The following PTN variants were observed in gnomAD, a reference collection of about 807,000 sequenced individuals.
PTN encodes the protein heparin affin regulatory protein.
In PTN, 18 loss-of-function variants were observed where a neutral mutation model predicts 24.1. That is an observed-to-expected ratio of 0.75 (90% CI 0.52 to 1.11). PTN has a LOEUF of 1.11. Among genes scored for constraint, PTN ranks in the 50% least tolerant of loss-of-function variants. PTN has a pLI of 0.00. For synonymous variants in PTN, 78 were observed against 68.6 expected (o/e 1.14, Z -0.67); for missense variants, 163 against 198.8 (o/e 0.82, Z 1.08).
chr7:137,326,452 C>T (rs1235188405), intron 1 of PTN: 1 of 152,194 alleles, frequency 6.6e-6, no homozygotes, highest in Non-Finnish European at 1.5e-5. Context: ...TACCTCACGG[C>T]ATGTCCAGAA....
chr7:137,316,156 T>A (rs542538227), intron 1 of PTN, among the ~76,000 whole-genome samples: 1 of 152,332 alleles, frequency 6.6e-6, no homozygotes, highest in East Asian at 1.9e-4. Flanking sequence ...AAGGCCGTTG[T>A]TGCTCTCAAG....
intron 1 of PTN, among the ~76,000 whole-genome samples, chr7:137,257,957 T>G (rs1444106862): frequency 6.6e-6 from 1 of 152,138 alleles, no homozygotes; most frequent in East Asian, 1.9e-4. Context: ...GACTCTACCT[T>G]CTGTAAATAA....
At chr7:137,323,878 C>T (rs762085477) in intron 1 of PTN, among the ~76,000 whole-genome samples, 1 of 152,064 alleles carries the variant, frequency 6.6e-6, no homozygotes, top group Non-Finnish European at 1.5e-5. Flanking sequence ...AACTTAAACA[C>T]AATCAGAAGA....
chr7:137,250,388 G>T (rs1173824411), intron 4 of PTN, among the ~76,000 whole-genome samples: 1 of 152,072 alleles, frequency 6.6e-6, no homozygotes, highest in Admixed American at 6.6e-5. Flanking sequence ...GTATTTCTGT[G>T]TCCTAATCTC....
chr7:137,277,406 T>A (rs940798239), intron 1 of PTN, among the ~76,000 whole-genome samples: 1 of 152,184 alleles, frequency 6.6e-6, no homozygotes, highest in East Asian at 1.9e-4. Context: ...ACCCAGCCAC[T>A]TTTCCCAAGA....
intron 1 of PTN, among the ~76,000 whole-genome samples, chr7:137,320,643 A>T (rs369803669): frequency 1.2e-4 from 18 of 152,042 alleles, no homozygotes; most frequent in East Asian, 3.9e-4. Context: ...ATTTTTTTTT[A>T]AAAAAGGATT....
At chr7:137,249,554 T>C (rs957142526) in intron 4 of PTN, among the ~76,000 whole-genome samples, 1 of 152,168 alleles carries the variant, frequency 6.6e-6, no homozygotes, top group Non-Finnish European at 1.5e-5. Context: ...TTAATTTCTT[T>C]TCCTTTCAAT....
intron 4 of PTN, among the ~76,000 whole-genome samples, chr7:137,239,207 T>G (rs1052117513): frequency 6.6e-6 from 1 of 152,136 alleles, no homozygotes; most frequent in Admixed American, 6.5e-5. Context: ...AGTGAGCTCA[T>G]TGTGCCTTCA....
At chr7:137,275,956 T>C (rs1240980547) in intron 1 of PTN, among the ~76,000 whole-genome samples, 1 of 152,218 alleles carries the variant, frequency 6.6e-6, no homozygotes, top group Non-Finnish European at 1.5e-5. Flanking sequence ...AGTGACTCAA[T>C]TAAAAACATA....
At chr7:137,331,121 G>C (rs1168729763) in intron 1 of PTN, among the ~76,000 whole-genome samples, 1 of 152,060 alleles carries the variant, frequency 6.6e-6, no homozygotes, top group African/African-American at 2.4e-5. Context: ...TGACATAAAG[G>C]GCTTCCATTT....
At chr7:137,230,908 T>C (rs1224492728) in intron 4 of PTN, among the ~76,000 whole-genome samples, 2 of 151,940 alleles carry the variant, frequency 1.3e-5, no homozygotes, top group Non-Finnish European at 2.9e-5. Context: ...TCTCTTTGTC[T>C]GTTTTTCTCT....
chr7:137,241,412 C>G (rs908091069), intron 4 of PTN, among the ~76,000 whole-genome samples: 1 of 152,112 alleles, frequency 6.6e-6, no homozygotes, highest in Non-Finnish European at 1.5e-5. Context: ...CTAAGCTCTC[C>G]GTAAATATAA....
chr7:137,309,786 T>C (rs1229312535), intron 1 of PTN, among the ~76,000 whole-genome samples: 2 of 152,198 alleles, frequency 1.3e-5, no homozygotes, highest in Non-Finnish European at 2.9e-5. Flanking sequence ...TCTAGTTCTC[T>C]TGTTATTTCC....
chr7:137,272,418 T>C (rs921451395), intron 1 of PTN, among the ~76,000 whole-genome samples: 1 of 152,218 alleles, frequency 6.6e-6, no homozygotes, highest in Admixed American at 6.5e-5. Flanking sequence ...CTTATCACTG[T>C]CCAAGGTTTA....
chr7:137,234,097 T>C (rs1284461802), intron 4 of PTN, among the ~76,000 whole-genome samples: 2 of 151,862 alleles, frequency 1.3e-5, no homozygotes, highest in African/African-American at 4.8e-5. Context: ...TAGGAATATA[T>C]TGACAGTTGA....
chr7:137,293,454 CT>C (rs1225749738), intron 1 of PTN, among the ~76,000 whole-genome samples: 2 of 152,060 alleles, frequency 1.3e-5, no homozygotes, highest in Non-Finnish European at 2.9e-5. Context: ...GATAAAGTTT[CT>C]GGGCTAGCAT....
intron 4 of PTN, among the ~76,000 whole-genome samples, chr7:137,228,433 T>G (rs1242422292): frequency 1.3e-5 from 2 of 151,736 alleles, no homozygotes; most frequent in Non-Finnish European, 2.9e-5. Context: ...ACAGCAGACA[T>G]CTCTTAGTAA....
At chr7:137,328,838 G>T (rs572854798) in intron 1 of PTN, among the ~76,000 whole-genome samples, 2 of 152,134 alleles carry the variant, frequency 1.3e-5, no homozygotes, top group Non-Finnish European at 2.9e-5. Context: ...CCTTATCCAA[G>T]ACACGGTAAT....
chr7:137,295,513 GGC>G (rs1311469834), intron 1 of PTN, among the ~76,000 whole-genome samples: 5 of 151,860 alleles, frequency 3.3e-5, no homozygotes, highest in Non-Finnish European at 7.4e-5. Context: ...CTTAAAATGT[GGC>G]TAGTCCGAAT....
Sources: allele counts gnomAD v4.1 joint callset (sites outside exome capture counted in the v4.1 genomes callset), GRCh38; gene constraint gnomAD v4.1.1; transcripts MANE v1.5; gene names NCBI Gene and HGNC (gene_info 2026-07-23, HGNC 2026-07-21).